The following LINGO1 variants were observed in gnomAD, a reference collection of about 807,000 sequenced individuals.
LINGO1 encodes leucine-rich repeat and immunoglobulin-like domain-containing nogo receptor-interacting protein 1.
LINGO1 carries 11 observed loss-of-function variants against 37.3 expected under a neutral mutation model. The observed-to-expected ratio is 0.29, with a 90% confidence interval of 0.19 to 0.49. The LOEUF is 0.49. Ranked by LOEUF, LINGO1 falls within the 20% of genes least tolerant of loss-of-function variation. LINGO1 has a pLI of 0.99. For synonymous variants in LINGO1, 387 were observed against 403.0 expected (o/e 0.96, Z 0.48); for missense variants, 585 against 878.2 (o/e 0.67, Z 4.22).
At chr15:77,699,706 A>G (rs2075751671), upstream of LINGO1, among the ~76,000 whole-genome samples, 2 of 57,480 alleles carry the variant, frequency 3.5e-5, no homozygotes, top group African/African-American at 6.7e-5. Context: ...CATACTAACC[A>G]TCATTCCCAC....
At chr15:77,658,412 A>G (rs772966065) in intron 3 of LINGO1, among the ~76,000 whole-genome samples, 1 of 152,260 alleles carries the variant, frequency 6.6e-6, no homozygotes, top group African/African-American at 2.4e-5. Flanking sequence ...CTGACCAGGC[A>G]TGCTCTGGTG....
intron 3 of LINGO1, among the ~76,000 whole-genome samples, chr15:77,661,891 C>T (rs991928162): frequency 5.3e-5 from 8 of 152,180 alleles, no homozygotes; most frequent in Non-Finnish European, 1.0e-4. Context: ...CCTTCCAGGG[C>T]CCATGGTCTG....
At chr15:77,811,703 A>G (rs920711077) in intron 1 of LINGO1, among the ~76,000 whole-genome samples, 2 of 152,252 alleles carry the variant, frequency 1.3e-5, no homozygotes, top group African/African-American at 4.8e-5. Flanking sequence ...GGATAAAATG[A>G]AAAAAATTTG....
At chr15:77,682,036 C>A (rs142739465) in intron 2 of LINGO1, among the ~76,000 whole-genome samples, 12 of 152,218 alleles carry the variant, frequency 7.9e-5, no homozygotes, top group African/African-American at 1.7e-4. Context: ...CAAACCCAGG[C>A]AGTCCAGCTC....
Position 77,667,455 on chromosome 15 carries a change from A to G in LINGO1, c.-13+9634T>C, listed in dbSNP as rs556608835. On this transcript the variant is annotated intron_variant, in intron 3 of 3. Transcript: ENST00000559893. ...ATGGAGTGAAGGAGGCAGCTGCTGA[A>G]TATGTGAGATGAGGGGTGCTCTCAG... is the stretch of plus-strand genomic sequence containing the variant. Among the ~76,000 whole-genome samples the G allele has an allele frequency of 1.5e-4, 23 of 152,276 alleles. No homozygotes were observed. In the South Asian group the frequency reaches 4.1e-3, roughly 27 times the overall value.
At chr15:77,648,167 C>T in intron 3 of LINGO1, 1 of 332,984 alleles carries the variant, frequency 3.0e-6, no homozygotes, top group Non-Finnish European at 5.9e-6. Flanking sequence ...GTCCCAAGAT[C>T]ACCCAGATAC....
chr15:77,730,253 T>C (rs1470214222), intron 2 of LINGO1, among the ~76,000 whole-genome samples: 1 of 152,158 alleles, frequency 6.6e-6, no homozygotes, highest in African/African-American at 2.4e-5. Flanking sequence ...CAAGTGTCAT[T>C]CCTAGTGCAG....
At chr15:77,776,548 G>GGAAAGCA in intron 1 of LINGO1, among the ~76,000 whole-genome samples, 1 of 150,372 alleles carries the variant, frequency 6.7e-6, no homozygotes, top group Admixed American at 6.6e-5. Flanking sequence ...GAGGGAGGGA[G>GGAAAGCA]GGAGGGAGGG....
chr15:77,782,463 G>A (rs2076729310), intron 1 of LINGO1, among the ~76,000 whole-genome samples: 1 of 152,098 alleles, frequency 6.6e-6, no homozygotes, highest in African/African-American at 2.4e-5. Context: ...CACATATTAG[G>A]GCAAAGCCTT....
intron 2 of LINGO1, among the ~76,000 whole-genome samples, chr15:77,719,835 C>T (rs1326635343): frequency 6.7e-6 from 1 of 148,866 alleles, no homozygotes; most frequent in African/African-American, 2.4e-5. Context: ...CACATATGTA[C>T]TCACACACAC....
upstream of LINGO1, among the ~76,000 whole-genome samples, chr15:77,698,494 C>T (rs1415962932): frequency 6.6e-6 from 1 of 152,158 alleles, no homozygotes; most frequent in Non-Finnish European, 1.5e-5. Context: ...CCCGATGCCC[C>T]GTGTAGTTGG....
intron 2 of LINGO1, among the ~76,000 whole-genome samples, chr15:77,689,539 C>T (rs2075567580): frequency 6.6e-6 from 1 of 152,208 alleles, no homozygotes; most frequent in South Asian, 2.1e-4. Flanking sequence ...CCAGGCCCTC[C>T]CATGGGTGGC....
chr15:77,641,342 A>G (rs2074500918), intron 3 of LINGO1, among the ~76,000 whole-genome samples: 1 of 152,198 alleles, frequency 6.6e-6, no homozygotes, highest in East Asian at 1.9e-4. Context: ...AGTTTGAACC[A>G]TAACGGTGCA....
chr15:77,705,540 C>T (rs972464311), intron 2 of LINGO1, among the ~76,000 whole-genome samples: 1 of 152,200 alleles, frequency 6.6e-6, no homozygotes, highest in Admixed American at 6.5e-5. Flanking sequence ...CAGAGGAGGG[C>T]CCCTGTGGTG....
intron 1 of LINGO1, among the ~76,000 whole-genome samples, chr15:77,617,624 G>A (rs956345507): frequency 2.6e-5 from 4 of 152,130 alleles, no homozygotes; most frequent in Non-Finnish European, 2.9e-5. Flanking sequence ...CTGCTTTCAT[G>A]GCCACAGGCC....
At chr15:77,739,141 G>A (rs534325017) in intron 1 of LINGO1, among the ~76,000 whole-genome samples, 3 of 152,234 alleles carry the variant, frequency 2.0e-5, no homozygotes, top group Non-Finnish European at 4.4e-5. Flanking sequence ...GCAGCTGAAC[G>A]CAACCGGCGG....
At chr15:77,741,497 C>T (rs2076263931) in intron 1 of LINGO1, among the ~76,000 whole-genome samples, 2 of 152,280 alleles carry the variant, frequency 1.3e-5, no homozygotes, top group South Asian at 2.1e-4. Context: ...CCACCCTTCC[C>T]TGGTGTCCTC....
At chr15:77,770,175 A>AT (rs1175467461) in intron 1 of LINGO1, among the ~76,000 whole-genome samples, 2 of 152,064 alleles carry the variant, frequency 1.3e-5, no homozygotes, top group African/African-American at 4.8e-5. Flanking sequence ...TCCGAAACCA[A>AT]TGCCTTCTTT....
intron 1 of LINGO1, among the ~76,000 whole-genome samples, chr15:77,802,015 C>T (rs550186173): frequency 6.6e-6 from 1 of 152,222 alleles, no homozygotes; most frequent in South Asian, 2.1e-4. Context: ...TTGCAGAAAA[C>T]TCCAGGAAAG....
Sources: allele counts gnomAD v4.1 joint callset (sites outside exome capture counted in the v4.1 genomes callset), GRCh38; gene constraint gnomAD v4.1.1; transcripts MANE v1.5; gene names NCBI Gene and HGNC (gene_info 2026-07-23, HGNC 2026-07-21).